The following SYCP1 variants were observed in gnomAD, a reference collection of about 807,000 sequenced individuals.
SYCP1 encodes synaptonemal complex protein 1.
A neutral mutation model predicts 153.1 loss-of-function variants in SYCP1; 64 were observed. That is an observed-to-expected ratio of 0.42 (90% CI 0.34 to 0.51). SYCP1 has a LOEUF of 0.51. Ranked by LOEUF, SYCP1 falls within the 20% of genes least tolerant of loss-of-function variation. The probability of loss-of-function intolerance (pLI) is 0.06; values close to 1 mark genes in which losing one functional copy is unlikely to be tolerated. For synonymous variants in SYCP1, 384 were observed against 341.8 expected (o/e 1.12, Z -1.36); for missense variants, 997 against 1,049.0 (o/e 0.95, Z 0.68).
intron 8 of SYCP1, among the ~76,000 whole-genome samples, chr1:114,867,743 A>G (rs980278362): frequency 1.3e-5 from 2 of 151,432 alleles, no homozygotes; most frequent in African/African-American, 4.9e-5. Flanking sequence ...ATCTGATTCC[A>G]TTTGTTTCCT....
At chr1:114,917,827 G>A (rs1668607887) in intron 20 of SYCP1, among the ~76,000 whole-genome samples, 1 of 151,792 alleles carries the variant, frequency 6.6e-6, no homozygotes, top group South Asian at 2.1e-4. Flanking sequence ...TTTTCCCATA[G>A]GATTATTAGA....
intron 30 of SYCP1, among the ~76,000 whole-genome samples, chr1:114,992,138 TGA>T (rs951439935): frequency 1.3e-5 from 2 of 151,604 alleles, no homozygotes; most frequent in African/African-American, 4.8e-5. Context: ...AAAACACTGG[TGA>T]GAGAAATTTT....
At chr1:114,860,663 T>TAAG in intron 7 of SYCP1, 73 bp from the exon 8 acceptor site, 1 of 945,784 alleles carries the variant, frequency 1.1e-6, no homozygotes, top group Non-Finnish European at 1.6e-6. Flanking sequence ...TAACAATATA[T>TAAG]TTCATAACTT....
intron 16 of SYCP1, among the ~76,000 whole-genome samples, chr1:114,901,435 C>G (rs1184901110): frequency 6.6e-6 from 1 of 152,180 alleles, no homozygotes; most frequent in Non-Finnish European, 1.5e-5. Context: ...TTCTGGCTTT[C>G]AAACTTTACT....
chr1:114,855,551 A>G lies in SYCP1; in HGVS notation c.87A>G (p.Gly29=). 1 of 1,608,170 alleles carries G rather than the reference A, an allele frequency of 6.2e-7. No individual in the cohort carries two copies. The highest frequency in any genetic ancestry group is 8.5e-7 in the Non-Finnish European group (1 of 1,176,662). The change falls in exon 2 of 32, where the codon GGA becomes GGG. Residue 29 remains glycine (G), a synonymous_variant. Coordinates refer to ENST00000369522, the MANE Select transcript of SYCP1 (RefSeq NM_003176.4). Reference sequence around the variant, plus strand: ...CTGCGGTGAAACCTCAGACCCTGGGAGGCGATTCCACTTTCTTCAAGGTAA... The same window carrying G: ...CTGCGGTGAAACCTCAGACCCTGGGGGGCGATTCCACTTTCTTCAAGGTAA... The part of the protein sequence containing the change: ...QVSAVKPQTL[G]GDSTFFKSFN...
At chr1:114,994,824 A>G (rs1674168946) in intron 31 of SYCP1, 37 bp downstream of exon 31, 1 of 1,572,160 alleles carries the variant, frequency 6.4e-7, no homozygotes, top group East Asian at 2.3e-5. Context: ...GCAAATTTTA[A>G]AAGCTGCACT....
intron 15 of SYCP1, among the ~76,000 whole-genome samples, chr1:114,888,119 G>A (rs1666439475): frequency 6.6e-6 from 1 of 151,734 alleles, no homozygotes; most frequent in Admixed American, 6.6e-5. Context: ...TTATCATAAG[G>A]TGTTATTAAA....
chr1:114,976,083 A>G (rs1286756352), intron 27 of SYCP1, among the ~76,000 whole-genome samples: 1 of 151,832 alleles, frequency 6.6e-6, no homozygotes, highest in African/African-American at 2.4e-5. Context: ...TAGATTCCCA[A>G]TAATTAATGT....
At chr1:114,912,284 T>C (rs1197315303) in intron 18 of SYCP1, among the ~76,000 whole-genome samples, 2 of 152,010 alleles carry the variant, frequency 1.3e-5, no homozygotes, top group Non-Finnish European at 2.9e-5. Flanking sequence ...ATTTGTACTT[T>C]AATGTAAATT....
chr1:114,877,712 G>T (rs993036661), intron 11 of SYCP1, among the ~76,000 whole-genome samples: 2 of 152,092 alleles, frequency 1.3e-5, no homozygotes, highest in African/African-American at 2.4e-5. Flanking sequence ...TTTGCTGGGG[G>T]TTTCTAAATT....
chr1:114,940,383 C>T lies in SYCP1; in HGVS notation c.1927-3956C>T, dbSNP rs115667912. 8.3e-3 allele frequency among the ~76,000 whole-genome samples: 1,258 copies of T among 152,266 alleles called. 21 individuals are homozygous for T. The highest frequency in any genetic ancestry group is 0.028 in the African/African-American group (1,183 of 41,550). On this transcript the variant is annotated intron_variant, in intron 23 of 31. Transcript: ENST00000369522. ...AAGTGCTGAGGTTACAGGTGTGAGC[C>T]ACTGTGCCCAGACCTATCTTAAGAT...
intron 8 of SYCP1, among the ~76,000 whole-genome samples, chr1:114,864,397 A>G (rs1664589370): frequency 6.6e-6 from 1 of 152,140 alleles, no homozygotes; most frequent in South Asian, 2.1e-4. Flanking sequence ...TCAGGTCACA[A>G]TAATGAGGCC....
At chr1:114,922,645 T>G (rs1298260364) in intron 20 of SYCP1, among the ~76,000 whole-genome samples, 1 of 152,048 alleles carries the variant, frequency 6.6e-6, no homozygotes, top group Non-Finnish European at 1.5e-5. Context: ...ATATTGGTGA[T>G]TACATTTCAA....
chr1:114,872,773 G>A (rs1665239185), intron 8 of SYCP1, among the ~76,000 whole-genome samples: 1 of 152,056 alleles, frequency 6.6e-6, no homozygotes. Context: ...CAACTTCAAA[G>A]ATTACTTTCC....
intron 16 of SYCP1, among the ~76,000 whole-genome samples, chr1:114,902,533 A>G (rs934162287): frequency 1.4e-5 from 2 of 143,830 alleles, no homozygotes; most frequent in African/African-American, 5.9e-5. Flanking sequence ...CCTGGTTACC[A>G]CATAAGAGCA....
At chr1:114,992,257 T>C (rs1329756515) in intron 30 of SYCP1, among the ~76,000 whole-genome samples, 1 of 151,698 alleles carries the variant, frequency 6.6e-6, no homozygotes, top group Admixed American at 6.6e-5. Flanking sequence ...GCAATTTCTA[T>C]AAAAATTCCA....
chr1:114,935,791 G>C (rs190715565), intron 23 of SYCP1, among the ~76,000 whole-genome samples: 2 of 152,142 alleles, frequency 1.3e-5, no homozygotes, highest in East Asian at 1.9e-4. Context: ...TGCAAATAAA[G>C]TAGAAAATCT....
intron 28 of SYCP1, among the ~76,000 whole-genome samples, chr1:114,978,223 C>T (rs1365855474): frequency 6.6e-6 from 1 of 151,604 alleles, no homozygotes; most frequent in African/African-American, 2.4e-5. Flanking sequence ...TCTTCTGCCA[C>T]AAGTAGAGCT....
At chr1:114,954,062 T>C (rs527954395) in intron 27 of SYCP1, among the ~76,000 whole-genome samples, 17 of 99,906 alleles carry the variant, frequency 1.7e-4, no homozygotes, top group African/African-American at 5.1e-4. Flanking sequence ...ACATTTGTTC[T>C]TATTTTTATT....
Sources: gnomAD v4.1 joint callset for allele counts (sites outside exome capture counted in the v4.1 genomes callset) on GRCh38, gnomAD v4.1.1 for gene constraint, MANE v1.5 for transcripts, NCBI Gene and HGNC (gene_info 2026-07-23, HGNC 2026-07-21) for gene names.